PMS1: variants seen among roughly 807,000 people sequenced by gnomAD.
PMS1 encodes the protein PMS1 homolog 1, mismatch repair system component.
Under a neutral mutation model 93.1 loss-of-function variants are expected in PMS1, and 79 were observed. The ratio of observed to expected loss-of-function variants is 0.85; its 90% CI spans 0.71 to 1.02. The LOEUF is 1.02. Ranked by LOEUF, PMS1 falls within the 50% of genes least tolerant of loss-of-function variation. PMS1 has a pLI of 0.00. For synonymous variants in PMS1, 335 were observed against 363.4 expected (o/e 0.92, Z 0.89); for missense variants, 1,064 against 1,085.3 (o/e 0.98, Z 0.28).
At chr2:189,852,505 T>G in intron 6 of PMS1, 150 bp from the exon 7 acceptor site, 1 of 697,946 alleles carries the variant, frequency 1.4e-6, no homozygotes, top group Non-Finnish European at 2.5e-6. Context: ...AAGTTAATAC[T>G]TAAGACATGA....
intron 5 of PMS1, among the ~76,000 whole-genome samples, chr2:189,843,367 T>G (rs1292293073): frequency 6.6e-6 from 1 of 152,200 alleles, no homozygotes; most frequent in Non-Finnish European, 1.5e-5. Flanking sequence ...AAATCCAGCC[T>G]CATTATTCAG....
chr2:189,863,292 C>T (rs1422039656), intron 9 of PMS1, among the ~76,000 whole-genome samples: 2 of 143,004 alleles, frequency 1.4e-5, no homozygotes, highest in East Asian at 4.1e-4. Context: ...CTTGCTCTGT[C>T]GCCCAGGCTG....
intron 11 of PMS1, among the ~76,000 whole-genome samples, chr2:189,873,152 C>T (rs1204002591): frequency 6.6e-6 from 1 of 152,166 alleles, no homozygotes; most frequent in East Asian, 1.9e-4. Context: ...TGAAGAGCAG[C>T]AGTTGTTAAA....
chr2:189,850,344 T>G (rs2054590023), intron 6 of PMS1, among the ~76,000 whole-genome samples: 1 of 151,974 alleles, frequency 6.6e-6, no homozygotes, highest in Non-Finnish European at 1.5e-5. Context: ...AGGAGATGGG[T>G]TTAACAGACT....
intron 12 of PMS1, among the ~76,000 whole-genome samples, chr2:189,874,853 G>C (rs924826541): frequency 1.3e-5 from 2 of 152,204 alleles, no homozygotes; most frequent in Non-Finnish European, 2.9e-5. Context: ...GAAAGAGTTA[G>C]TATGAACTTA....
intron 4 of PMS1, among the ~76,000 whole-genome samples, chr2:189,808,374 C>T (rs1313012111): frequency 1.3e-5 from 2 of 152,156 alleles, no homozygotes; most frequent in Admixed American, 1.3e-4. Flanking sequence ...GTCGCCCAGG[C>T]TGGAGTGCAG....
chr2:189,824,813 T>C (rs1013808002), intron 5 of PMS1, among the ~76,000 whole-genome samples: 2 of 152,146 alleles, frequency 1.3e-5, no homozygotes, highest in South Asian at 2.1e-4. Flanking sequence ...TATTTCTTAA[T>C]AGTGCTGTTG....
chr2:189,814,615 ATTG>A (rs1398440437), intron 4 of PMS1, among the ~76,000 whole-genome samples: 2 of 152,096 alleles, frequency 1.3e-5, no homozygotes, highest in Non-Finnish European at 2.9e-5. Flanking sequence ...CAGATTATTC[ATTG>A]TTGTTTAAGG....
chr2:189,846,338 C>T (rs1477802009), intron 6 of PMS1, among the ~76,000 whole-genome samples: 1 of 152,080 alleles, frequency 6.6e-6, no homozygotes, highest in African/African-American at 2.4e-5. Context: ...ATGGCAAAAC[C>T]CCATCTCTAC....
intron 6 of PMS1, among the ~76,000 whole-genome samples, chr2:189,852,360 C>A (rs1042912879): frequency 6.6e-6 from 1 of 152,122 alleles, no homozygotes; most frequent in African/African-American, 2.4e-5. Flanking sequence ...AGATTGAATG[C>A]TCTATGTCCT....
rs754429223 is a variant in PMS1 at position 189,863,802 on chromosome 2, T to G, written c.1916T>G (p.Ile639Ser). The change falls in exon 10 of 13, where the codon ATT becomes AGT. Residue 639 changes from isoleucine to serine, a missense_variant. Physicochemically the swap from Ile to Ser is moderately radical, Grantham distance 142 (BLOSUM62 -2). Transcript: ENST00000441310. The stretch of plus-strand genomic sequence containing the variant: ...TACAATAGTCAAATGAAGAGAGCCA[T>G]TGAACAGGAGTCACAAATGTCACTA... Reference protein sequence around the residue: ...ERYNSQMKRAIEQESQMSLKD... With the variant: ...ERYNSQMKRASEQESQMSLKD... The G allele has an allele frequency of 3.1e-6, 5 of 1,612,768 alleles. No homozygotes were observed. Among genetic ancestry groups the G allele is most frequent in the Non-Finnish European group, 4.2e-6 (5 of 1,178,824 alleles).
In PMS1 at chr2:189,853,942, A is replaced by C. The variant is rs777247528; in HGVS notation, c.826A>C (p.Ile276Leu). Reference sequence around the variant, plus strand: ...TATTTATTACATGTATTTCTAGTTAATCCGACATCATTACAATCTGAAATG... The same window carrying C: ...TATTTATTACATGTATTTCTAGTTACTCCGACATCATTACAATCTGAAATG... ...PVHQKDILKLIRHHYNLKCLK... is the reference protein window; with the variant it reads ...PVHQKDILKLLRHHYNLKCLK... The change falls in exon 8 of 13, where the codon ATC becomes CTC. Residue 276 changes from isoleucine (I) to leucine (L), a missense_variant. Physicochemically the swap from Ile to Leu is conservative, Grantham distance 5. Coordinates refer to ENST00000441310, the MANE Select transcript of PMS1 (RefSeq NM_000534.5). The C allele has an allele frequency of 2.6e-6, 4 of 1,562,366 alleles. No individual in the cohort carries two copies. Among genetic ancestry groups the C allele is most frequent in the Non-Finnish European group, 2.6e-6 (3 of 1,140,034 alleles).
chr2:189,806,584 G>C (rs898771250), intron 4 of PMS1: 1 of 198,382 alleles, frequency 5.0e-6, no homozygotes, highest in Non-Finnish European at 1.0e-5. Context: ...TTTTAGTAGA[G>C]ACAGGGTTTT....
chr2:189,857,816 CT>C (rs2055510565), intron 9 of PMS1, among the ~76,000 whole-genome samples: 7 of 152,036 alleles, frequency 4.6e-5, no homozygotes, highest in Admixed American at 4.6e-4. Context: ...TAGGGGAAAA[CT>C]TGGCAGTTGG....
In PMS1 at chr2:189,864,224, G is replaced by A. The variant is rs193252599; in HGVS notation, c.2338G>A (p.Glu780Lys). Residue 780 changes from glutamate (E) to lysine (K), a missense_variant, in exon 10 of 13, where the codon GAG becomes AAG. Glu to Lys is a moderately conservative substitution (Grantham distance 56, BLOSUM62 1). Transcript: ENST00000441310. ...EPLEKPIMLT[E>K]SLFNGSHYLD... ...ACTGGAAAAGCCAATTATGTTAACA[G>A]AGAGGTATGATGATACAATACTTTT... is the stretch of plus-strand genomic sequence containing the variant. The A allele has an allele frequency of 1.9e-6, 3 of 1,592,634 alleles. No homozygotes were observed. The East Asian group carries it at 6.7e-5, about 36-fold the overall frequency.
At chr2:189,813,724 C>T (rs2051038355) in intron 4 of PMS1, among the ~76,000 whole-genome samples, 1 of 152,094 alleles carries the variant, frequency 6.6e-6, no homozygotes, top group African/African-American at 2.4e-5. Flanking sequence ...TTGATGGCAC[C>T]AGAAGAAATT....
chr2:189,797,186 C>G (rs538977137), intron 3 of PMS1, among the ~76,000 whole-genome samples: 9 of 152,212 alleles, frequency 5.9e-5, no homozygotes, highest in African/African-American at 2.2e-4. Flanking sequence ...CCACTCTAAC[C>G]GGTACAGTTA....
chr2:189,807,475 G>A (rs1330203613), intron 4 of PMS1, among the ~76,000 whole-genome samples: 2 of 152,182 alleles, frequency 1.3e-5, no homozygotes, highest in South Asian at 2.1e-4. Context: ...ACCATTAGGA[G>A]ATATTTGAGT....
intron 9 of PMS1, among the ~76,000 whole-genome samples, chr2:189,862,997 G>A (rs1023369904): frequency 3.9e-5 from 6 of 152,160 alleles, no homozygotes; most frequent in Admixed American, 3.3e-4. Flanking sequence ...GTGTCCTGGT[G>A]ACTCAGGCTA....
Sources: allele counts gnomAD v4.1 joint callset (sites outside exome capture counted in the v4.1 genomes callset), GRCh38; gene constraint gnomAD v4.1.1; transcripts MANE v1.5; gene names NCBI Gene and HGNC (gene_info 2026-07-23, HGNC 2026-07-21).